Variants in SH3RF2 observed in about 807,000 individuals in gnomAD.
The protein encoded by SH3RF2 is SH3 domain containing ring finger 2, also known as E3 ubiquitin-protein ligase SH3RF2.
Under a neutral mutation model 59.0 loss-of-function variants are expected in SH3RF2, and 43 were observed. That is an observed-to-expected ratio of 0.73 (90% CI 0.57 to 0.94). The LOEUF (loss-of-function observed/expected upper bound fraction) is 0.94, where lower values mean the gene tolerates loss of function less well. SH3RF2 is among the 40% of genes least tolerant of loss of function. SH3RF2 has a pLI of 0.00. For missense variants in SH3RF2, 930 were observed against 940.1 expected (o/e 0.99, Z 0.14); for synonymous variants, 391 against 391.5 (o/e 1.00, Z 0.01).
chr5:146,052,133 T>C (rs549431290), intron 7 of SH3RF2, among the ~76,000 whole-genome samples: 1 of 152,232 alleles, frequency 6.6e-6, no homozygotes, highest in African/African-American at 2.4e-5. Flanking sequence ...ACATCAGGCC[T>C]TAGTCCTAAA....
intron 2 of SH3RF2, among the ~76,000 whole-genome samples, chr5:145,988,853 T>C (rs572859434): frequency 6.6e-6 from 1 of 152,266 alleles, no homozygotes; most frequent in East Asian, 1.9e-4. Flanking sequence ...GTCTCCCTCC[T>C]TATCAGAGAA....
At chr5:146,006,006 T>C (rs1760630221) in intron 4 of SH3RF2, among the ~76,000 whole-genome samples, 2 of 152,226 alleles carry the variant, frequency 1.3e-5, no homozygotes, top group African/African-American at 2.4e-5. Context: ...TAATTTTTCA[T>C]TGAGTGCCTG....
Position 145,976,622 on chromosome 5 carries a change from C to T in SH3RF2, c.379-23436C>T, listed in dbSNP as rs557705144. On this transcript the variant is annotated intron_variant, in intron 2 of 9. Transcript: ENST00000359120. ...TTCTAACTAGAAAAGTCAAGAAAAA[C>T]GGAAGGTATTAGTCATTGACTGATA... is the stretch of plus-strand genomic sequence containing the variant. Among the ~76,000 whole-genome samples the T allele has an allele frequency of 5.9e-5, 9 of 152,274 alleles. No homozygotes were observed. The South Asian group carries it at 1.2e-3, about 21-fold the overall frequency.
chr5:145,977,783 C>T (rs1431810291), intron 2 of SH3RF2, among the ~76,000 whole-genome samples: 1 of 152,200 alleles, frequency 6.6e-6, no homozygotes, highest in Admixed American at 6.5e-5. Context: ...ATGCTACATA[C>T]ACATATACCT....
intron 2 of SH3RF2, among the ~76,000 whole-genome samples, chr5:145,972,171 G>A (rs1158565821): frequency 1.3e-5 from 2 of 151,756 alleles, no homozygotes; most frequent in African/African-American, 4.8e-5. Context: ...GATAATCTTA[G>A]GCATGTTATT....
chr5:146,058,882 A>AG (rs1762776359), intron 8 of SH3RF2, among the ~76,000 whole-genome samples: 1 of 152,088 alleles, frequency 6.6e-6, no homozygotes. Flanking sequence ...AAAAAAAAAA[A>AG]AAAAAGGAAA....
chr5:146,080,479 T>C (rs1763405163), exon 10 of SH3RF2: 1 of 152,210 alleles, frequency 6.6e-6, no homozygotes, highest in Non-Finnish European at 1.5e-5. Flanking sequence ...CATTATGGAA[T>C]ATTGTATAAA....
chr5:145,941,301 G>A (rs551297510), intron 2 of SH3RF2, among the ~76,000 whole-genome samples: 1 of 152,260 alleles, frequency 6.6e-6, no homozygotes, highest in Admixed American at 6.5e-5. Context: ...GGAACCAATA[G>A]TCACACCTCA....
chr5:146,046,364 C>T (rs10463380), intron 5 of SH3RF2, among the ~76,000 whole-genome samples: 51,633 of 151,720 alleles, frequency 0.34, 9,108 homozygotes, highest in Non-Finnish European at 0.38. Context: ...TATTTAATAA[C>T]ACACTCATAC....
chr5:145,970,228 G>A (rs1208958704), intron 2 of SH3RF2, among the ~76,000 whole-genome samples: 3 of 151,836 alleles, frequency 2.0e-5, no homozygotes, highest in Non-Finnish European at 2.9e-5. Context: ...CACCCAAGCA[G>A]TGTATACTGT....
At chr5:145,965,021 C>T (rs1177078804) in intron 2 of SH3RF2, among the ~76,000 whole-genome samples, 11 of 151,914 alleles carry the variant, frequency 7.2e-5, no homozygotes, top group Non-Finnish European at 1.2e-4. Flanking sequence ...GGTGAAACCC[C>T]GTCTCTACTA....
At chr5:146,011,689 A>G (rs1008925880) in intron 4 of SH3RF2, among the ~76,000 whole-genome samples, 3 of 152,026 alleles carry the variant, frequency 2.0e-5, no homozygotes, top group Non-Finnish European at 4.4e-5. Flanking sequence ...TTTGTCTGTT[A>G]TTGGTGTTTA....
At chr5:146,053,007 A>G (rs1391642510) in intron 7 of SH3RF2, among the ~76,000 whole-genome samples, 1 of 152,126 alleles carries the variant, frequency 6.6e-6, no homozygotes, top group East Asian at 1.9e-4. Context: ...GCAGCCTTTT[A>G]TAAAACAGCC....
rs1410928215 is a variant in SH3RF2, at chr5:146,014,548, G to GT, written c.1059+489dup. Among the ~76,000 whole-genome samples the GT allele has an allele frequency of 2.6e-5, 4 of 152,142 alleles. No individual in the cohort carries two copies. In the South Asian group the frequency reaches 6.2e-4, roughly 24 times the overall value. On this transcript the variant is annotated intron_variant, in intron 5 of 9. Coordinates refer to ENST00000359120, the MANE Select transcript of SH3RF2 (RefSeq NM_152550.4). ...GGGTTATTGAATGTTCTCAGGACTG[G>GT]TTACCTACATTTATAGGACCCAGTC...
chr5:146,018,625 A>G (rs1266234690), intron 5 of SH3RF2, among the ~76,000 whole-genome samples: 5 of 152,110 alleles, frequency 3.3e-5, no homozygotes, highest in Non-Finnish European at 4.4e-5. Flanking sequence ...TTTTTGTTAT[A>G]ATGACTTCTT....
At chr5:146,019,565 T>C (rs925423128) in intron 5 of SH3RF2, among the ~76,000 whole-genome samples, 2 of 152,298 alleles carry the variant, frequency 1.3e-5, no homozygotes, top group Admixed American at 1.3e-4. Context: ...ATTTTTTCTT[T>C]TTGTTTAGAA....
intron 7 of SH3RF2, among the ~76,000 whole-genome samples, chr5:146,052,661 C>CA (rs1240295281): frequency 1.3e-5 from 2 of 151,844 alleles, no homozygotes; most frequent in Non-Finnish European, 1.5e-5. Context: ...CTCTCTAATG[C>CA]AAAAAAAGGC....
chr5:145,967,163 T>G (rs1264802589), intron 2 of SH3RF2, among the ~76,000 whole-genome samples: 4 of 152,212 alleles, frequency 2.6e-5, no homozygotes, highest in Non-Finnish European at 4.4e-5. Flanking sequence ...AATCCTAGTA[T>G]GAGTTGGAGG....
At chr5:146,074,669 T>C (rs17796852) in intron 9 of SH3RF2, among the ~76,000 whole-genome samples, 34,324 of 152,140 alleles carry the variant, frequency 0.23, 4,886 homozygotes, top group Admixed American at 0.34. Flanking sequence ...ATTTCCTTCG[T>C]TATCATTAGG....
Sources: allele counts gnomAD v4.1 joint callset (sites outside exome capture counted in the v4.1 genomes callset), GRCh38; gene constraint gnomAD v4.1.1; transcripts MANE v1.5; gene names NCBI Gene and HGNC (gene_info 2026-07-23, HGNC 2026-07-21).